Variants in IL1RL1 observed in about 807,000 individuals in gnomAD.
The protein encoded by IL1RL1 is interleukin 1 receptor like 1.
In IL1RL1, 32 loss-of-function variants were observed where a neutral mutation model predicts 50.9. That is an observed-to-expected ratio of 0.63 (90% CI 0.47 to 0.84). The LOEUF is 0.84. Ranked by LOEUF, IL1RL1 falls within the 40% of genes least tolerant of loss-of-function variation. The pLI, the probability that IL1RL1 is intolerant of heterozygous loss-of-function variation, is 0.00. For synonymous variants in IL1RL1, 275 were observed against 236.0 expected (o/e 1.17, Z -1.51); for missense variants, 773 against 662.9 (o/e 1.17, Z -1.82).
At chr2:102,338,412 C>T in intron 2 of IL1RL1, 87 bp downstream of exon 2, 1 of 677,396 alleles carries the variant, frequency 1.5e-6, no homozygotes, top group Non-Finnish European at 2.4e-6. Flanking sequence ...AGTTTGCTTC[C>T]AGTTGTTCCA....
downstream of IL1RL1, chr2:102,352,088 A>G (rs749592390): frequency 3.1e-6 from 2 of 655,402 alleles, no homozygotes; most frequent in Non-Finnish European, 4.9e-6. Context: ...GGGTGGATGC[A>G]AAATGGCCAG....
At chr2:102,330,351 G>A (rs892553856) in intron 1 of IL1RL1, among the ~76,000 whole-genome samples, 1 of 146,334 alleles carries the variant, frequency 6.8e-6, no homozygotes, top group Non-Finnish European at 1.5e-5. Context: ...GGGGTGGGGG[G>A]AGGGGGGAGG....
chr2:102,340,319 A>G (rs1677502526), intron 4 of IL1RL1, 47 bp downstream of exon 4: 1 of 1,499,886 alleles, frequency 6.7e-7, no homozygotes, highest in Admixed American at 2.1e-5. Context: ...CACAATTAAA[A>G]TAGACACAAG....
chr2:102,334,887 G>T (rs900654631), intron 1 of IL1RL1, among the ~76,000 whole-genome samples: 5 of 152,036 alleles, frequency 3.3e-5, no homozygotes, highest in African/African-American at 9.7e-5. Flanking sequence ...AAAACATAAG[G>T]TTTTGTTTGT....
At chr2:102,328,781 G>A (rs76520363) in intron 1 of IL1RL1, among the ~76,000 whole-genome samples, 72,724 of 151,924 alleles carry the variant, frequency 0.48, 17,690 homozygotes, top group Middle Eastern at 0.63. Flanking sequence ...CAACTTACAA[G>A]GGATGTGAAG....
At chr2:102,336,196 C>T (rs1677320508) in intron 1 of IL1RL1, among the ~76,000 whole-genome samples, 1 of 152,152 alleles carries the variant, frequency 6.6e-6, no homozygotes, top group South Asian at 2.1e-4. Flanking sequence ...TGTGATTAGT[C>T]TAGTCTTCAG....
In IL1RL1 at chr2:102,351,660, C is replaced by T; in HGVS notation, c.1410C>T (p.Leu470=). 1 of 1,614,120 alleles carries T rather than the reference C, an allele frequency of 6.2e-7. No individual in the cohort carries two copies. Among genetic ancestry groups the T allele is most frequent in the South Asian group, 1.1e-5 (1 of 91,082 alleles). The change falls in exon 11 of 11, where the codon CTC becomes CTT. Residue 470 remains leucine (L), a synonymous_variant. Transcript: ENST00000233954. ...YEQEVALHCA[L]IQNDAKVILI... Reference sequence around the variant, plus strand: ...AGGAGGTTGCCCTGCACTGTGCCCTCATCCAGAACGACGCCAAGGTGATAC... The same window carrying T: ...AGGAGGTTGCCCTGCACTGTGCCCTTATCCAGAACGACGCCAAGGTGATAC...
At chr2:102,313,894 G>A (rs533191216) in intron 1 of IL1RL1, among the ~76,000 whole-genome samples, 1 of 152,168 alleles carries the variant, frequency 6.6e-6, no homozygotes, top group African/African-American at 2.4e-5. Flanking sequence ...CAGGTTGGTG[G>A]AAAAGATCCC....
chr2:102,317,291 T>A (rs1676705579), intron 1 of IL1RL1, among the ~76,000 whole-genome samples: 1 of 152,032 alleles, frequency 6.6e-6, no homozygotes, highest in South Asian at 2.1e-4. Flanking sequence ...GAGGTGGAGC[T>A]TGCAGTAAGC....
chr2:102,322,018 C>A (rs2104964444), intron 1 of IL1RL1, among the ~76,000 whole-genome samples: 1 of 152,204 alleles, frequency 6.6e-6, no homozygotes, highest in Middle Eastern at 3.4e-3. Flanking sequence ...TATGTATCTA[C>A]CTAATCTATC....
intron 10 of IL1RL1, 65 bp from the exon 11 acceptor site, chr2:102,351,471 T>C (rs948670574): frequency 1.4e-6 from 2 of 1,385,980 alleles, no homozygotes; most frequent in African/African-American, 1.4e-5. Context: ...CTTTTAAATG[T>C]TCAGGATGTT....
chr2:102,339,481 A>C (rs1677459327), intron 3 of IL1RL1: 1 of 157,464 alleles, frequency 6.4e-6, no homozygotes, highest in Non-Finnish European at 1.4e-5. Flanking sequence ...CCTAAAAATT[A>C]ATTACTTTTG....
At chr2:102,339,912 T>C (rs971393641) in intron 3 of IL1RL1, among the ~76,000 whole-genome samples, 186 bp from the exon 4 acceptor site, 4 of 152,326 alleles carry the variant, frequency 2.6e-5, no homozygotes, top group Non-Finnish European at 4.4e-5. Flanking sequence ...GCTATGTTTT[T>C]AGCTCAAGTG....
intron 1 of IL1RL1, among the ~76,000 whole-genome samples, chr2:102,334,414 G>A (rs894818619): frequency 6.6e-6 from 1 of 152,130 alleles, no homozygotes; most frequent in African/African-American, 2.4e-5. Context: ...TTTGCCCACA[G>A]CTACACAGCT....
intron 1 of IL1RL1, among the ~76,000 whole-genome samples, 174 bp downstream of exon 1, chr2:102,311,797 TTATATATTATATATAATACAATTATATAA>T (rs1424906996): frequency 2.1e-5 from 2 of 94,730 alleles, no homozygotes; most frequent in South Asian, 5.5e-4. Flanking sequence ...ATTATAACAA[TTATATATTATATATAATACAATTATATAA>T]TATATATTAT....
At chr2:102,324,364 G>A (rs182277777) in intron 1 of IL1RL1, among the ~76,000 whole-genome samples, 19 of 152,178 alleles carry the variant, frequency 1.2e-4, no homozygotes, top group African/African-American at 3.6e-4. Context: ...ATAGAATCTC[G>A]ATATTGTGGA....
Position 102,341,055 on chromosome 2 carries a change from T to C in IL1RL1, c.610+227T>C, listed in dbSNP as rs951545488. The C allele has an allele frequency of 1.0e-4, 69 of 678,606 alleles. 1 individual carries two copies. Among genetic ancestry groups the C allele is most frequent in the Non-Finnish European group, 9.9e-5 (46 of 464,234 alleles). 42.0% of individuals were successfully genotyped at this position (678,606 alleles called of 1,614,324 possible). On this transcript the variant is annotated intron_variant, in intron 5 of 10. Transcript: ENST00000233954. ...ATTACATTACTAATTCAAAGCCACATCTGTTCTTTATTCTTTTTTTGTGAC... is the reference window on the plus strand; with the variant it reads ...ATTACATTACTAATTCAAAGCCACACCTGTTCTTTATTCTTTTTTTGTGAC...
chr2:102,316,049 G>A (rs1460546234), intron 1 of IL1RL1, among the ~76,000 whole-genome samples: 2 of 152,040 alleles, frequency 1.3e-5, no homozygotes, highest in African/African-American at 2.4e-5. Flanking sequence ...TGTGCCTCTG[G>A]TCGCTGGGTC....
At chr2:102,345,030 G>A in intron 8 of IL1RL1, 1 of 949,678 alleles carries the variant, frequency 1.1e-6, no homozygotes, top group African/African-American at 1.8e-5. Context: ...TAAATAATTG[G>A]TGGCATCACA....
Sources: gnomAD v4.1 joint callset for allele counts (sites outside exome capture counted in the v4.1 genomes callset) on GRCh38, gnomAD v4.1.1 for gene constraint, MANE v1.5 for transcripts, NCBI Gene and HGNC (gene_info 2026-07-23, HGNC 2026-07-21) for gene names.